The following COL12A1 variants were observed in gnomAD, a reference collection of about 807,000 sequenced individuals.
COL12A1 encodes the protein collagen type XII alpha 1 chain.
A neutral mutation model predicts 349.7 loss-of-function variants in COL12A1; 114 were observed. The ratio of observed to expected loss-of-function variants is 0.33; its 90% CI spans 0.28 to 0.38. The LOEUF is 0.38. COL12A1 is among the 10% of genes least tolerant of loss of function. The probability of loss-of-function intolerance (pLI) is 1.00; values close to 1 mark genes in which losing one functional copy is unlikely to be tolerated. For synonymous variants in COL12A1, 1,369 were observed against 1,329.0 expected (o/e 1.03, Z -0.66); for missense variants, 3,284 against 3,756.9 (o/e 0.87, Z 3.29).
chr6:75,098,810 C>T (rs1768172423), intron 58 of COL12A1, among the ~76,000 whole-genome samples: 1 of 152,198 alleles, frequency 6.6e-6, no homozygotes, highest in African/African-American at 2.4e-5. Flanking sequence ...GTTCACCAGG[C>T]AGGAACAGAG....
chr6:75,173,674 C>T (rs562217578), intron 13 of COL12A1, among the ~76,000 whole-genome samples: 10 of 152,286 alleles, frequency 6.6e-5, no homozygotes, highest in African/African-American at 1.9e-4. Context: ...CACGCCTGCC[C>T]GATCACTACT....
chr6:75,105,142 C>G, intron 54 of COL12A1, 64 bp downstream of exon 54: 1 of 1,397,878 alleles, frequency 7.2e-7, no homozygotes. Flanking sequence ...TCCATATTGG[C>G]AAATAGATAA....
At chr6:75,106,872 T>C (rs1768573461) in intron 52 of COL12A1, among the ~76,000 whole-genome samples, 1 of 91,168 alleles carries the variant, frequency 1.1e-5, no homozygotes, top group African/African-American at 3.3e-5. Context: ...GTTAGGTATT[T>C]TCTTTTTTTT....
intron 13 of COL12A1, among the ~76,000 whole-genome samples, chr6:75,171,415 A>G (rs1166003229): frequency 6.6e-6 from 1 of 152,220 alleles, no homozygotes; most frequent in Non-Finnish European, 1.5e-5. Flanking sequence ...GCATTTCAAA[A>G]AAAGTACTAG....
chr6:75,134,994 C>T (rs750910817), intron 31 of COL12A1, 139 bp from the exon 32 acceptor site: 3 of 751,466 alleles, frequency 4.0e-6, no homozygotes, highest in Non-Finnish European at 3.9e-6. Flanking sequence ...CAAGGTTTAA[C>T]ATACACCTTG....
Position 75,086,758 on chromosome 6 carries a change from G to T in COL12A1, c.9182-201C>A, listed in dbSNP as rs9443152. On this transcript the variant is annotated intron_variant, in intron 65 of 65. Coordinates refer to ENST00000322507, the MANE Select transcript of COL12A1 (RefSeq NM_004370.6). The stretch of plus-strand genomic sequence containing the variant: ...AATTAAATTGCAATTTTTTGAATGG[G>T]TTGCATGGAAATATACATTAAGATT... Among the ~76,000 whole-genome samples the T allele has an allele frequency of 0.037, 5,620 of 150,994 alleles. 365 individuals carry two copies. Among genetic ancestry groups the T allele is most frequent in the African/African-American group, 0.13 (5,276 of 41,042 alleles).
intron 17 of COL12A1, among the ~76,000 whole-genome samples, chr6:75,153,504 TA>T (rs1290535665): frequency 2.6e-5 from 4 of 152,130 alleles, no homozygotes; most frequent in African/African-American, 9.7e-5. Context: ...TTTTCCAGTT[TA>T]TTACAAGGTT....
Position 75,114,019 on chromosome 6 carries a change from A to C in COL12A1, c.7698-275T>G, listed in dbSNP as rs113416092. On this transcript the variant is annotated intron_variant, in intron 49 of 65. Transcript: ENST00000322507. ...ACTTCTAATTTGATAAAGTCACAAA[A>C]GTCTGGGAAATTACAAAATAGTCTT... Among the ~76,000 whole-genome samples, 1,255 of 151,966 alleles carry C rather than the reference A, an allele frequency of 8.3e-3. 8 individuals are homozygous for C. Among genetic ancestry groups the C allele is most frequent in the Non-Finnish European group, 0.013 (889 of 67,808 alleles).
intron 31 of COL12A1, 50 bp from the exon 32 acceptor site, chr6:75,134,905 ACTAATCTGTT>A: frequency 6.4e-7 from 1 of 1,569,832 alleles, no homozygotes; most frequent in Non-Finnish European, 8.7e-7. Flanking sequence ...TCTCCATCTC[ACTAATCTGTT>A]AGAAAAAGCT....
intron 21 of COL12A1, among the ~76,000 whole-genome samples, chr6:75,150,064 A>G (rs1405509356): frequency 1.3e-5 from 2 of 152,106 alleles, no homozygotes. Context: ...TCAAATAAAC[A>G]TACCCCTAGC....
intron 23 of COL12A1, among the ~76,000 whole-genome samples, chr6:75,147,458 C>T (rs1464470440): frequency 6.6e-6 from 1 of 152,104 alleles, no homozygotes; most frequent in Non-Finnish European, 1.5e-5. Flanking sequence ...GGCAGTGACC[C>T]CCTATTCCAC....
chr6:75,095,015 A>C, intron 60 of COL12A1, 93 bp downstream of exon 60: 2 of 1,140,928 alleles, frequency 1.8e-6, no homozygotes, highest in Non-Finnish European at 2.6e-6. Flanking sequence ...ACATTACAGC[A>C]GAGATAACCT....
In COL12A1 at chr6:75,194,951, C is replaced by T; in HGVS notation, c.74-4G>A. ...TTCAAGTCTGAAGGTGGGTCAACTG[C>T]AAAAGAGAGAGTTTATATTATTAAA... On this transcript the variant is annotated splice_polypyrimidine_tract_variant and splice_region_variant and intron_variant, in intron 2 of 65. Coordinates refer to ENST00000322507, the MANE Select transcript of COL12A1 (RefSeq NM_004370.6). 1.3e-6 allele frequency: 2 copies of T among 1,510,698 alleles called. No homozygotes were observed. Among genetic ancestry groups the T allele is most frequent in the Non-Finnish European group, 1.8e-6 (2 of 1,095,340 alleles). The allele number at this position is 1,510,698 out of a possible 1,614,324, so 93.6% of individuals were successfully genotyped here.
At position 75,145,470 on chromosome 6, in the gene COL12A1, G is replaced by A. The variant is rs777154641; in HGVS notation, c.4561-15C>T. ...CCCAAACGCACCTGCACATGGATAT[G>A]TGGAGCAGAAATAAGATATTCAAAT... On this transcript the variant is annotated splice_polypyrimidine_tract_variant and intron_variant, in intron 24 of 65. Coordinates refer to ENST00000322507, the MANE Select transcript of COL12A1 (RefSeq NM_004370.6). The A allele has an allele frequency of 2.2e-5, 35 of 1,609,548 alleles. No homozygotes were observed. The highest frequency in any genetic ancestry group is 2.7e-5 in the Non-Finnish European group (32 of 1,177,368).
chr6:75,089,135 G>T lies in COL12A1; in HGVS notation c.8981C>A (p.Ser2994Ter), dbSNP rs1172971529. The change falls in exon 64 of 66, where the codon TCA becomes TAA. Residue 2994 changes from serine (S) to a stop codon, truncating the protein, a stop_gained. Coordinates refer to ENST00000322507, the MANE Select transcript of COL12A1 (RefSeq NM_004370.6). LOFTEE classifies it high-confidence loss of function. ...GGGGCCAGGCAGCCCCCGAGGTCCT[G>T]AAGATCCAGTACCCCTTTCACCTTT... The part of the protein sequence containing the change: ...GEKGERGTGS[S>*]GPRGLPGPPG... 6.2e-7 allele frequency: 1 copy of T among 1,611,758 alleles called. No homozygotes were observed. Among genetic ancestry groups the T allele is most frequent in the Admixed American group, 1.7e-5 (1 of 59,378 alleles).
At chr6:75,145,283 C>G (rs763412420) in intron 25 of COL12A1, 43 bp downstream of exon 25, 8 of 1,508,632 alleles carry the variant, frequency 5.3e-6, no homozygotes, top group Non-Finnish European at 7.2e-6. Context: ...GAACATTATG[C>G]TCACAGCAAT....
intron 31 of COL12A1, 51 bp downstream of exon 31, chr6:75,137,386 G>A: frequency 1.3e-6 from 2 of 1,488,110 alleles, no homozygotes; most frequent in Admixed American, 2.3e-5. Flanking sequence ...AAAAGAGTTT[G>A]AAGAGAAATG....
intron 33 of COL12A1, among the ~76,000 whole-genome samples, 172 bp from the exon 34 acceptor site, chr6:75,133,594 T>C (rs969707865): frequency 6.6e-6 from 1 of 152,120 alleles, no homozygotes; most frequent in African/African-American, 2.4e-5. Context: ...TATTTCCCTA[T>C]ACCCCTCCAG....
At chr6:75,111,593 CT>C (rs1274066262) in intron 51 of COL12A1, among the ~76,000 whole-genome samples, 1 of 151,690 alleles carries the variant, frequency 6.6e-6, no homozygotes, top group African/African-American at 2.4e-5. Flanking sequence ...AAAAATAGTC[CT>C]TTTTAGCAAG....
Sources: gnomAD v4.1 joint callset for allele counts (sites outside exome capture counted in the v4.1 genomes callset) on GRCh38, gnomAD v4.1.1 for gene constraint, MANE v1.5 for transcripts, NCBI Gene and HGNC (gene_info 2026-07-23, HGNC 2026-07-21) for gene names.